Variants in ROBO2 observed in about 807,000 individuals in gnomAD.
The protein encoded by ROBO2 is roundabout homolog 2.
Under a neutral mutation model 160.8 loss-of-function variants are expected in ROBO2, and 53 were observed. The observed-to-expected ratio is 0.33, with a 90% CI of 0.26 to 0.41. ROBO2 has a LOEUF of 0.41. Among genes scored for constraint, ROBO2 ranks in the 10% least tolerant of loss-of-function variants. The pLI, the probability that ROBO2 is intolerant of heterozygous loss-of-function variation, is 1.00. For missense variants in ROBO2, 1,577 were observed against 1,722.4 expected, an observed-to-expected ratio of 0.92 and a Z score of 1.49; for synonymous variants, 664 against 611.7, an observed-to-expected ratio of 1.09 and a Z score of -1.26.
intron 2 of ROBO2, among the ~76,000 whole-genome samples, chr3:76,263,103 G>A (rs1706869507): frequency 6.6e-6 from 1 of 152,040 alleles, no homozygotes; most frequent in Admixed American, 6.6e-5. Flanking sequence ...CACATTCCTA[G>A]CCCTCAGTAA....
At chr3:76,813,518 AATG>A (rs768251236) in intron 2 of ROBO2, among the ~76,000 whole-genome samples, 1 of 152,148 alleles carries the variant, frequency 6.6e-6, no homozygotes, top group Non-Finnish European at 1.5e-5. Flanking sequence ...AAAACTTAAA[AATG>A]ATAAGTGACA....
chr3:77,284,717 A>G (rs1369895191), intron 2 of ROBO2, among the ~76,000 whole-genome samples: 1 of 152,062 alleles, frequency 6.6e-6, no homozygotes, highest in Admixed American at 6.6e-5. Flanking sequence ...TGAGTAATGT[A>G]AACACTCTAA....
intron 1 of ROBO2, among the ~76,000 whole-genome samples, chr3:77,049,194 G>T (rs2064982333): frequency 6.6e-6 from 1 of 152,010 alleles, no homozygotes; most frequent in South Asian, 2.1e-4. Flanking sequence ...GCTGGGCATG[G>T]TGGTGTCCAC....
intron 2 of ROBO2, among the ~76,000 whole-genome samples, chr3:77,165,120 G>T (rs1239865347): frequency 2.0e-5 from 3 of 151,874 alleles, no homozygotes; most frequent in African/African-American, 2.4e-5. Flanking sequence ...GGAATGGAAA[G>T]GGGGGAAAGG....
chr3:77,618,825 G>C (rs1022323162), intron 22 of ROBO2, among the ~76,000 whole-genome samples: 4 of 152,032 alleles, frequency 2.6e-5, no homozygotes, highest in African/African-American at 9.7e-5. Flanking sequence ...CTTTCTCAAA[G>C]GTCAAAGACA....
chr3:76,521,401 A>C (rs1181177224), intron 2 of ROBO2, among the ~76,000 whole-genome samples: 2 of 152,168 alleles, frequency 1.3e-5, no homozygotes, highest in East Asian at 3.9e-4. Context: ...CCTAGTCAGT[A>C]GGTCATTCCA....
intron 2 of ROBO2, among the ~76,000 whole-genome samples, chr3:76,456,375 G>C (rs2109336544): frequency 6.6e-6 from 1 of 152,286 alleles, no homozygotes; most frequent in African/African-American, 2.4e-5. Flanking sequence ...GTTCATTCCA[G>C]TTGCATATGT....
intron 2 of ROBO2, among the ~76,000 whole-genome samples, chr3:76,730,286 GTCCTCACCTCCTACTCCCTACCCGCTTC>G (rs2093617777): frequency 7.7e-4 from 17 of 22,078 alleles, no homozygotes; most frequent in Admixed American, 1.9e-3. Flanking sequence ...CTACCCGCTT[GTCCTCACCTCCTACTCCCTACCCGCTTC>G]TCCTCACCTC....
intron 2 of ROBO2, among the ~76,000 whole-genome samples, chr3:76,032,003 G>A (rs772959991): frequency 8.6e-5 from 13 of 151,930 alleles, no homozygotes; most frequent in Non-Finnish European, 1.3e-4. Flanking sequence ...TTTTTGGTTG[G>A]TAAGCTATTA....
At chr3:77,314,547 T>C (rs780174888) in intron 2 of ROBO2, among the ~76,000 whole-genome samples, 54 of 152,236 alleles carry the variant, frequency 3.5e-4, no homozygotes, top group Non-Finnish European at 6.8e-4. Flanking sequence ...GAGATTCTGC[T>C]ATCAGGTTTT....
At chr3:76,104,200 A>G (rs2069824156) in intron 2 of ROBO2, among the ~76,000 whole-genome samples, 1 of 152,214 alleles carries the variant, frequency 6.6e-6, no homozygotes, top group African/African-American at 2.4e-5. Flanking sequence ...TGAACACTTA[A>G]ATCTTTCATA....
At chr3:76,627,374 C>G (rs12639211) in intron 2 of ROBO2, among the ~76,000 whole-genome samples, 91,701 of 151,962 alleles carry the variant, frequency 0.6, 27,850 homozygotes, top group East Asian at 0.73. Context: ...CCAGAGAGAG[C>G]CAGAGAATCC....
At chr3:76,741,448 G>A (rs879495898) in intron 2 of ROBO2, among the ~76,000 whole-genome samples, 1 of 152,006 alleles carries the variant, frequency 6.6e-6, no homozygotes, top group African/African-American at 2.4e-5. Flanking sequence ...CATAAGTGAA[G>A]ATGCCCTTGC....
intron 2 of ROBO2, among the ~76,000 whole-genome samples, chr3:76,925,548 C>T (rs975026864): frequency 6.6e-6 from 1 of 152,122 alleles, no homozygotes; most frequent in African/African-American, 2.4e-5. Context: ...GAAAAAAATA[C>T]TTAAACAACA....
At chr3:76,923,525 A>C (rs2076799271) in intron 2 of ROBO2, among the ~76,000 whole-genome samples, 3 of 152,212 alleles carry the variant, frequency 2.0e-5, no homozygotes, top group African/African-American at 7.2e-5. Context: ...AGTGAACTGA[A>C]GGATGTGACC....
At chr3:76,445,811 A>C (rs1286722897) in intron 2 of ROBO2, among the ~76,000 whole-genome samples, 3 of 152,144 alleles carry the variant, frequency 2.0e-5, no homozygotes, top group African/African-American at 7.2e-5. Flanking sequence ...TCAACAGATG[A>C]AGAAAAGGCC....
intron 2 of ROBO2, among the ~76,000 whole-genome samples, chr3:76,308,682 T>G (rs897911427): frequency 6.6e-6 from 1 of 152,172 alleles, no homozygotes; most frequent in Non-Finnish European, 1.5e-5. Context: ...TTCTCTTCTC[T>G]CTTCTGGTAT....
chr3:76,102,047 A>C (rs1207245098), intron 2 of ROBO2, among the ~76,000 whole-genome samples: 6 of 134,824 alleles, frequency 4.5e-5, no homozygotes, highest in African/African-American at 8.5e-5. Context: ...TCCTGTGTCC[A>C]TGTGTTCCCA....
intron 2 of ROBO2, among the ~76,000 whole-genome samples, chr3:76,055,573 A>G (rs1443359419): frequency 6.6e-6 from 1 of 151,750 alleles, no homozygotes; most frequent in Non-Finnish European, 1.5e-5. Flanking sequence ...TTTAGCTCCT[A>G]CTTGTGAGAA....
Sources: allele counts gnomAD v4.1 joint callset (sites outside exome capture counted in the v4.1 genomes callset), GRCh38; gene constraint gnomAD v4.1.1; transcripts MANE v1.5; gene names NCBI Gene and HGNC (gene_info 2026-07-23, HGNC 2026-07-21).